Variants in NR3C1 observed in about 807,000 individuals in gnomAD.
NR3C1 encodes the protein nuclear receptor subfamily 3 group C member 1, also known as glucocorticoid receptor.
NR3C1 carries 14 observed loss-of-function variants against 74.0 expected under a neutral mutation model. That is an observed-to-expected ratio of 0.19 (90% CI 0.12 to 0.30). The LOEUF is 0.30. NR3C1 is among the 10% of genes least tolerant of loss of function. The pLI is 1.00. For missense variants in NR3C1, 695 were observed against 909.8 expected (o/e 0.76, Z 3.04); for synonymous variants, 308 against 332.5 (o/e 0.93, Z 0.80).
In NR3C1 at chr5:143,281,141, A is replaced by ATTTC; in HGVS notation, c.*747_*748insGAAA. 1 of 110,988 alleles carries ATTTC rather than the reference A, an allele frequency of 9.0e-6. No homozygotes were observed. The highest frequency in any genetic ancestry group is 2.1e-5 in the Non-Finnish European group (1 of 47,926). The allele number at this position is 110,988 out of a possible 1,614,324, so 6.9% of individuals were successfully genotyped here. A position where few individuals can be genotyped will look rare whatever the true frequency, so the allele number is the denominator to read the frequency against. On this transcript the variant is annotated 3_prime_UTR_variant, in exon 9 of 9. Transcript: ENST00000394464. ...GAGCTTTTTTTTTTTTTTTTTTGAC[A>ATTTC]AGAATACTGGAGATTTGAGTCAATT...
intron 2 of NR3C1, among the ~76,000 whole-genome samples, chr5:143,396,431 A>G (rs1265831538): frequency 6.6e-6 from 1 of 151,836 alleles, no homozygotes; most frequent in African/African-American, 2.4e-5. Flanking sequence ...GAAGGAAAAG[A>G]AAAAGAAAAA....
At chr5:143,405,182 C>G (rs35722527), upstream of NR3C1, 1,184 of 985,592 alleles carry the variant, frequency 1.2e-3, 8 homozygotes, top group African/African-American at 0.018. Context: ...TTTTGTGACT[C>G]TGGGAAAGGT....
chr5:143,323,386 T>A (rs1296903438), intron 2 of NR3C1, among the ~76,000 whole-genome samples: 1 of 152,152 alleles, frequency 6.6e-6, no homozygotes, highest in Non-Finnish European at 1.5e-5. Flanking sequence ...TGGAAACCCC[T>A]GATAAACCCA....
At chr5:143,332,315 T>C (rs1451788818) in intron 2 of NR3C1, among the ~76,000 whole-genome samples, 4 of 150,878 alleles carry the variant, frequency 2.7e-5, no homozygotes, top group South Asian at 4.2e-4. Context: ...TTTGAGTGTT[T>C]TTTTTTTTTT....
At chr5:143,287,321 C>T (rs1447033270) in intron 7 of NR3C1, among the ~76,000 whole-genome samples, 1 of 151,864 alleles carries the variant, frequency 6.6e-6, no homozygotes, top group African/African-American at 2.4e-5. Context: ...GATGATCAGG[C>T]ACAAATTATG....
At chr5:143,341,973 T>G (rs1208927951) in intron 2 of NR3C1, among the ~76,000 whole-genome samples, 1 of 152,156 alleles carries the variant, frequency 6.6e-6, no homozygotes, top group African/African-American at 2.4e-5. Flanking sequence ...TACTGGTGCT[T>G]GTCCAGGATG....
chr5:143,425,688 T>C (rs909787047), intron 1 of NR3C1, among the ~76,000 whole-genome samples: 1 of 152,044 alleles, frequency 6.6e-6, no homozygotes, highest in Non-Finnish European at 1.5e-5. Context: ...TCATACCCAC[T>C]AGGACAGCAA....
chr5:143,389,936 T>C, intron 2 of NR3C1: 1 of 979,634 alleles, frequency 1.0e-6, no homozygotes, highest in Non-Finnish European at 1.2e-6. Flanking sequence ...TTATAAATCA[T>C]CTTTTGGGGA....
Position 143,300,643 on chromosome 5 carries a change from G to A in NR3C1, c.1589C>T (p.Pro530Leu), listed in dbSNP as rs756140407. The change falls in exon 5 of 9, where the codon CCT (proline) becomes CTT (leucine). Residue 530 changes from proline to leucine, a missense_variant. Physicochemically the swap from Pro to Leu is moderately conservative, Grantham distance 98. Around this residue, in one of 4 missense-constraint regions of NR3C1, gnomAD observed 42 missense variants for 49.3 expected, o/e 0.85. Coordinates refer to ENST00000394464, the MANE Select transcript of NR3C1 (RefSeq NM_000176.3). This position sits in a 1 kb window ranked among gnomAD's most constrained non-coding sequence, Gnocchi z 5.2. ...AACCTCCAACAGTGACACCAGGGTA[G>A]GGGTGAGTTGTGGTAACGTTGCAGG... ...IVPATLPQLTPTLVSLLEVIE... is the reference protein window; with the variant it reads ...IVPATLPQLTLTLVSLLEVIE... 6.2e-7 allele frequency: 1 copy of A among 1,614,198 alleles called. No homozygotes were observed. The highest frequency in any genetic ancestry group is 8.5e-7 in the Non-Finnish European group (1 of 1,180,016).
intron 4 of NR3C1, among the ~76,000 whole-genome samples, chr5:143,302,467 A>G (rs770069215): frequency 5.2e-4 from 79 of 152,226 alleles, no homozygotes; most frequent in Non-Finnish European, 9.1e-4. Context: ...AAAAGAGAAC[A>G]CACATGTGCC....
intron 2 of NR3C1, among the ~76,000 whole-genome samples, chr5:143,315,455 G>A (rs980509228): frequency 1.3e-5 from 2 of 152,014 alleles, no homozygotes; most frequent in South Asian, 2.1e-4. Context: ...ATTAAAGTCC[G>A]TTTTGCTTAT....
chr5:143,335,754 G>A (rs575404347), intron 2 of NR3C1, among the ~76,000 whole-genome samples: 5 of 152,330 alleles, frequency 3.3e-5, no homozygotes, highest in African/African-American at 1.2e-4. Context: ...GTATTTGGCT[G>A]TAACTTCCAT....
intron 2 of NR3C1, among the ~76,000 whole-genome samples, chr5:143,349,384 A>G (rs1829853326): frequency 1.3e-5 from 2 of 152,142 alleles, no homozygotes; most frequent in South Asian, 4.1e-4. Flanking sequence ...GAACAGGCTC[A>G]TATTTCTATC....
At chr5:143,330,068 T>C (rs1825657369) in intron 2 of NR3C1, among the ~76,000 whole-genome samples, 1 of 152,094 alleles carries the variant, frequency 6.6e-6, no homozygotes, top group Non-Finnish European at 1.5e-5. Flanking sequence ...CAATAGAATA[T>C]AAGTTTTGTT....
intron 3 of NR3C1, among the ~76,000 whole-genome samples, chr5:143,312,933 C>A (rs1230710343): frequency 6.6e-6 from 1 of 152,198 alleles, no homozygotes; most frequent in Non-Finnish European, 1.5e-5. Context: ...GACTACTACA[C>A]TGGCCAAAGC....
At chr5:143,294,263 T>C in intron 7 of NR3C1, 3 of 983,774 alleles carry the variant, frequency 3.0e-6, no homozygotes, top group Non-Finnish European at 2.4e-6. Context: ...TAAGACTTTT[T>C]AAAAAATTGC....
chr5:143,329,824 A>T (rs913353318), intron 2 of NR3C1, among the ~76,000 whole-genome samples: 2 of 152,136 alleles, frequency 1.3e-5, no homozygotes, highest in African/African-American at 4.8e-5. Context: ...CATTTTTTTT[A>T]AATATGTGAA....
intron 1 of NR3C1, among the ~76,000 whole-genome samples, chr5:143,424,057 T>A (rs560877400): frequency 5.4e-5 from 1 of 18,434 alleles, no homozygotes; most frequent in South Asian, 2.3e-3. Flanking sequence ...CTCTGGGGAC[T>A]GTTGTGGGGT....
At chr5:143,370,677 T>C (rs1217659264) in intron 2 of NR3C1, among the ~76,000 whole-genome samples, 3 of 152,252 alleles carry the variant, frequency 2.0e-5, no homozygotes, top group African/African-American at 4.8e-5. Context: ...GGCTTCAGCC[T>C]ATTACTGTTT....
Sources: gnomAD v4.1 joint callset for allele counts (sites outside exome capture counted in the v4.1 genomes callset) on GRCh38, gnomAD v4.1.1 for gene constraint, gnomAD v4.1.1 regional missense constraint, Gnocchi (gnomAD v3.1) non-coding constraint, MANE v1.5 for transcripts, NCBI Gene and HGNC (gene_info 2026-07-23, HGNC 2026-07-21) for gene names.